TLN2: variants seen among roughly 807,000 people sequenced by gnomAD.
TLN2 encodes the protein talin-2.
In TLN2, 118 loss-of-function variants were observed where a neutral mutation model predicts 294.7. That is an observed-to-expected ratio of 0.40 (90% confidence interval 0.34 to 0.47). The LOEUF is 0.47. Ranked by LOEUF, TLN2 falls within the 20% of genes least tolerant of loss-of-function variation. The pLI is 0.84. For missense variants in TLN2, 3,083 were observed against 3,282.2 expected (o/e 0.94, Z 1.48); for synonymous variants, 1,431 against 1,304.5 (o/e 1.10, Z -2.09).
chr15:62,586,075 T>C (rs1191724391), intron 1 of TLN2, among the ~76,000 whole-genome samples: 2 of 152,200 alleles, frequency 1.3e-5, no homozygotes, highest in Non-Finnish European at 2.9e-5. Flanking sequence ...CCAACCAGGA[T>C]TGGACACCTT....
intron 1 of TLN2, among the ~76,000 whole-genome samples, chr15:62,554,911 T>C (rs908531245): frequency 5.3e-5 from 8 of 152,090 alleles, no homozygotes; most frequent in African/African-American, 2.4e-5. Flanking sequence ...CTGGCAGAGA[T>C]GTAGATTTAG....
chr15:62,701,187 A>G lies in TLN2; in HGVS notation c.1669A>G (p.Thr557Ala), dbSNP rs1194507299. 5.6e-6 allele frequency: 9 copies of G among 1,614,144 alleles called. No individual in the cohort carries two copies. The highest frequency in any genetic ancestry group is 7.6e-6 in the Non-Finnish European group (9 of 1,180,012). ...TCAAGTTGATGCTATCACGGCCGGA[A>G]CGGCTTCAGTTGTTAACCTCACAGC... ...HSQVDAITAG[T>A]ASVVNLTAGD... is the part of the protein sequence containing the mutation. The change falls in exon 17 of 59, where the codon ACG becomes GCG. Residue 557 changes from threonine (T) to alanine (A), a missense_variant. Transcript: ENST00000636159.
At chr15:62,635,602 A>G (rs896742950) in intron 3 of TLN2, among the ~76,000 whole-genome samples, 14 of 152,206 alleles carry the variant, frequency 9.2e-5, no homozygotes, top group Non-Finnish European at 1.8e-4. Context: ...GGGATCAGAC[A>G]TGGAAGTCTA....
intron 3 of TLN2, among the ~76,000 whole-genome samples, chr15:62,624,827 A>C (rs1285539483): frequency 6.6e-6 from 1 of 152,188 alleles, no homozygotes; most frequent in Non-Finnish European, 1.5e-5. Flanking sequence ...GACTGGTAAC[A>C]CCACGTCAAT....
chr15:62,735,365 A>G (rs1187544509), intron 28 of TLN2, among the ~76,000 whole-genome samples: 1 of 152,306 alleles, frequency 6.6e-6, no homozygotes, highest in East Asian at 1.9e-4. Context: ...GCTTTAAAGG[A>G]CTAGTTTATA....
intron 22 of TLN2, among the ~76,000 whole-genome samples, chr15:62,712,782 C>T (rs542605965): frequency 2.6e-5 from 4 of 152,068 alleles, no homozygotes; most frequent in East Asian, 1.9e-4. Flanking sequence ...CAGGATATTC[C>T]GATGTGCATC....
intron 1 of TLN2, among the ~76,000 whole-genome samples, chr15:62,519,657 G>T (rs1056316705): frequency 6.6e-6 from 1 of 152,226 alleles, no homozygotes; most frequent in Non-Finnish European, 1.5e-5. Flanking sequence ...AGTGGGTCTT[G>T]TCAGTGGTGT....
chr15:62,522,640 A>G (rs2040518177), intron 1 of TLN2, among the ~76,000 whole-genome samples: 1 of 151,926 alleles, frequency 6.6e-6, no homozygotes, highest in Non-Finnish European at 1.5e-5. Context: ...CAAATTTCTG[A>G]CTTGTTAACC....
intron 54 of TLN2, chr15:62,829,643 G>A (rs965235865): frequency 6.6e-6 from 1 of 152,158 alleles, no homozygotes; most frequent in Non-Finnish European, 1.5e-5. Context: ...TATCCTTTGT[G>A]TTACAAACAA....
At chr15:62,606,105 G>A (rs541359947) in intron 2 of TLN2, among the ~76,000 whole-genome samples, 5 of 152,044 alleles carry the variant, frequency 3.3e-5, no homozygotes, top group South Asian at 4.2e-4. Flanking sequence ...TTTTTGAGAC[G>A]GAGTCTCACT....
At chr15:62,682,615 T>C (rs1293177408) in intron 11 of TLN2, among the ~76,000 whole-genome samples, 1 of 152,214 alleles carries the variant, frequency 6.6e-6, no homozygotes, top group African/African-American at 2.4e-5. Flanking sequence ...GAGGTTTAAA[T>C]AAGTTAATAC....
chr15:62,814,625 C>T lies in TLN2; in HGVS notation c.6771+4593C>T, dbSNP rs974903436. Among the ~76,000 whole-genome samples the T allele has an allele frequency of 3.3e-5, 5 of 152,088 alleles. No individual in the cohort carries two copies. The East Asian group carries it at 9.6e-4, about 29-fold the overall frequency. ...ATATTTTTTTCCTTAAAAAGCAAGA[C>T]AGTCTTTGAAGAGTATTTTCTATTA... On this transcript the variant is annotated intron_variant, in intron 52 of 58. Coordinates refer to ENST00000636159, the MANE Select transcript of TLN2 (RefSeq NM_015059.3).
At position 62,692,891 on chromosome 15, in the gene TLN2, G is replaced by C; in HGVS notation, c.1165G>C (p.Glu389Gln). 1 of 1,613,810 alleles carries C rather than the reference G, an allele frequency of 6.2e-7. No homozygotes were observed. Among genetic ancestry groups the C allele is most frequent in the Non-Finnish European group, 8.5e-7 (1 of 1,179,914 alleles). ...CTATTCAGTACAAACCACCGAGGGA[G>C]AGCAGATATCCCAGCTGATTGCAGG... ...SYYSVQTTEGEQISQLIAGYI... is the reference protein window; with the variant it reads ...SYYSVQTTEGQQISQLIAGYI... The change falls in exon 13 of 59, where the codon GAG (glutamate) becomes CAG (glutamine). Residue 389 changes from glutamate to glutamine, a missense_variant. Glu to Gln is a conservative substitution (Grantham distance 29). Transcript: ENST00000636159.
intron 2 of TLN2, among the ~76,000 whole-genome samples, chr15:62,591,757 T>C (rs2046093388): frequency 6.6e-6 from 1 of 151,948 alleles, no homozygotes; most frequent in Non-Finnish European, 1.5e-5. Flanking sequence ...ACCTTGGGTG[T>C]GAGGAGCTCC....
At chr15:62,518,286 T>G in intron 1 of TLN2, among the ~76,000 whole-genome samples, 1 of 152,154 alleles carries the variant, frequency 6.6e-6, no homozygotes, top group Non-Finnish European at 1.5e-5. Context: ...ATCTGCCTGC[T>G]TCGGCCTCCC....
intron 48 of TLN2, among the ~76,000 whole-genome samples, chr15:62,797,919 G>T (rs1038994128): frequency 6.6e-6 from 1 of 152,212 alleles, no homozygotes. Context: ...GGGAGTCGGG[G>T]CAGAGCCTGG....
At chr15:62,631,641 C>T (rs931595309) in intron 3 of TLN2, among the ~76,000 whole-genome samples, 1 of 86,822 alleles carries the variant, frequency 1.2e-5, no homozygotes, top group African/African-American at 4.9e-5. Context: ...CTTTCTTTCT[C>T]TTTCTTTCCT....
At chr15:62,463,323 G>A (rs2036919580) in intron 1 of TLN2, among the ~76,000 whole-genome samples, 1 of 152,086 alleles carries the variant, frequency 6.6e-6, no homozygotes, top group African/African-American at 2.4e-5. Flanking sequence ...TCTGTGTTTT[G>A]GATATGAGTG....
intron 1 of TLN2, among the ~76,000 whole-genome samples, chr15:62,394,492 TC>T (rs1480083366): frequency 6.6e-6 from 1 of 152,346 alleles, no homozygotes; most frequent in East Asian, 1.9e-4. Flanking sequence ...TACAGTACTT[TC>T]CCCAGAACTT....
Sources: gnomAD v4.1 joint callset for allele counts (sites outside exome capture counted in the v4.1 genomes callset) on GRCh38, gnomAD v4.1.1 for gene constraint, MANE v1.5 for transcripts, NCBI Gene and HGNC (gene_info 2026-07-23, HGNC 2026-07-21) for gene names.